The following ARHGEF3 variants were observed in gnomAD, a reference collection of about 807,000 sequenced individuals.
ARHGEF3 encodes 59.8 kDA protein.
ARHGEF3 carries 28 observed loss-of-function variants against 63.2 expected under a neutral mutation model. The observed-to-expected ratio is 0.44, with a 90% CI of 0.33 to 0.61. The LOEUF (loss-of-function observed/expected upper bound fraction) is 0.61, where lower values mean the gene tolerates loss of function less well. Among genes scored for constraint, ARHGEF3 ranks in the 20% least tolerant of loss-of-function variants. The pLI is 0.03. For synonymous variants in ARHGEF3, 266 were observed against 254.2 expected (o/e 1.05, Z -0.44); for missense variants, 533 against 659.3 (o/e 0.81, Z 2.10).
chr3:56,787,397 A>G (rs2036871873), intron 1 of ARHGEF3, among the ~76,000 whole-genome samples: 1 of 152,166 alleles, frequency 6.6e-6, no homozygotes, highest in Non-Finnish European at 1.5e-5. Flanking sequence ...TTTTCTAGAA[A>G]CAGAGCAGTC....
intron 1 of ARHGEF3, among the ~76,000 whole-genome samples, chr3:57,056,973 C>A (rs896257851): frequency 6.6e-6 from 1 of 151,922 alleles, no homozygotes; most frequent in South Asian, 2.1e-4. Context: ...CCCCCTGCCC[C>A]CTTCCATCTT....
intron 4 of ARHGEF3, among the ~76,000 whole-genome samples, chr3:56,850,687 A>G (rs567383275): frequency 6.6e-6 from 1 of 152,330 alleles, no homozygotes; most frequent in East Asian, 1.9e-4. Context: ...TTTGACAACT[A>G]TTTATATACC....
At chr3:56,997,964 CCT>C (rs1191435621) in intron 2 of ARHGEF3, among the ~76,000 whole-genome samples, 1 of 152,178 alleles carries the variant, frequency 6.6e-6, no homozygotes, top group African/African-American at 2.4e-5. Flanking sequence ...GCTCTTCTGG[CCT>C]CTGTTTCCTC....
intron 6 of ARHGEF3, among the ~76,000 whole-genome samples, chr3:56,747,410 T>A (rs954032158): frequency 6.6e-6 from 1 of 152,194 alleles, no homozygotes; most frequent in South Asian, 2.1e-4. Context: ...GGGCATGACC[T>A]GAAAGGCTAT....
At chr3:56,829,393 T>C (rs1030336112) in intron 4 of ARHGEF3, among the ~76,000 whole-genome samples, 3 of 152,162 alleles carry the variant, frequency 2.0e-5, no homozygotes, top group African/African-American at 7.2e-5. Context: ...TCCAGCAGCC[T>C]ACCTGTAGAA....
At chr3:56,848,231 T>C (rs1459178318) in intron 4 of ARHGEF3, among the ~76,000 whole-genome samples, 1 of 152,196 alleles carries the variant, frequency 6.6e-6, no homozygotes, top group Non-Finnish European at 1.5e-5. Context: ...TGGTAAACTA[T>C]GATAACTGTT....
intron 2 of ARHGEF3, among the ~76,000 whole-genome samples, chr3:56,757,886 CT>C (rs1280934076): frequency 6.6e-6 from 1 of 151,714 alleles, no homozygotes; most frequent in African/African-American, 2.4e-5. Context: ...CCACGCCCGG[CT>C]AATTTTTTGT....
intron 1 of ARHGEF3, among the ~76,000 whole-genome samples, chr3:56,795,655 C>CTTTTTTTTTTTTTTTT (rs11306302): frequency 5.4e-5 from 7 of 130,560 alleles, no homozygotes; most frequent in East Asian, 2.6e-4. Flanking sequence ...GTCTCTCTCT[C>CTTTTTTTTTTTTTTTT]TTTTTTTTTT....
intron 4 of ARHGEF3, among the ~76,000 whole-genome samples, chr3:56,812,652 G>A (rs953623662): frequency 2.2e-4 from 33 of 152,204 alleles, no homozygotes; most frequent in Non-Finnish European, 4.0e-4. Flanking sequence ...TTTTCTTGAG[G>A]TGGGCCCCAA....
chr3:56,855,403 G>A (rs996760562), intron 4 of ARHGEF3, among the ~76,000 whole-genome samples: 1 of 152,094 alleles, frequency 6.6e-6, no homozygotes, highest in Non-Finnish European at 1.5e-5. Context: ...AGTAGTCTGG[G>A]CTGGGCGTGG....
chr3:57,040,964 C>T (rs1232986178), intron 1 of ARHGEF3, among the ~76,000 whole-genome samples: 1 of 152,102 alleles, frequency 6.6e-6, no homozygotes, highest in Non-Finnish European at 1.5e-5. Context: ...CATCTATAAC[C>T]CCATCTCCTC....
intron 1 of ARHGEF3, chr3:56,775,275 G>A (rs763765784): frequency 4.4e-5 from 56 of 1,270,062 alleles, no homozygotes; most frequent in Non-Finnish European, 5.5e-5. Context: ...GAATCCTGCT[G>A]AGACACTCTC....
chr3:56,802,105 C>G (rs909811222), upstream of ARHGEF3: 3 of 936,160 alleles, frequency 3.2e-6, no homozygotes, highest in African/African-American at 5.4e-5. Context: ...GGGGCGGTCC[C>G]GCGGGTGGAG....
intron 4 of ARHGEF3, among the ~76,000 whole-genome samples, chr3:56,844,621 T>C (rs1477395354): frequency 1.3e-5 from 2 of 152,172 alleles, no homozygotes; most frequent in Non-Finnish European, 2.9e-5. Context: ...TTCAACCTTA[T>C]AGCAGGGCTA....
chr3:56,866,938 C>A (rs2040270659), intron 4 of ARHGEF3, among the ~76,000 whole-genome samples: 1 of 152,252 alleles, frequency 6.6e-6, no homozygotes, highest in Admixed American at 6.5e-5. Flanking sequence ...AATTCCACAT[C>A]CATATGAAAT....
At chr3:56,768,385 C>T (rs1255108890) in intron 2 of ARHGEF3, among the ~76,000 whole-genome samples, 3 of 150,910 alleles carry the variant, frequency 2.0e-5, no homozygotes, top group Non-Finnish European at 4.4e-5. Context: ...GTTATATTAT[C>T]AGAAAACAAA....
At chr3:56,865,088 G>A (rs543386106) in intron 4 of ARHGEF3, among the ~76,000 whole-genome samples, 71 of 152,218 alleles carry the variant, frequency 4.7e-4, no homozygotes, top group Non-Finnish European at 9.1e-4. Context: ...TTCATGAGTT[G>A]CCAGAAGCTG....
intron 1 of ARHGEF3, among the ~76,000 whole-genome samples, chr3:57,039,028 A>G (rs1203112341): frequency 1.3e-5 from 2 of 152,222 alleles, no homozygotes; most frequent in Non-Finnish European, 1.5e-5. Flanking sequence ...CAAAGATGAG[A>G]TAAGCGCTGT....
intron 2 of ARHGEF3, chr3:56,960,594 T>C (rs182141653): frequency 9.2e-5 from 14 of 152,296 alleles, no homozygotes; most frequent in Non-Finnish European, 1.6e-4. Context: ...AAGAACAGCA[T>C]TCAACCCAGG....
Sources: allele counts gnomAD v4.1 joint callset (sites outside exome capture counted in the v4.1 genomes callset), GRCh38; gene constraint gnomAD v4.1.1; transcripts MANE v1.5; gene names NCBI Gene and HGNC (gene_info 2026-07-23, HGNC 2026-07-21).